The following DNAI1 variants were observed in gnomAD, a reference collection of about 807,000 sequenced individuals.
DNAI1 encodes dynein, axonemal, intermediate polypeptide 1.
DNAI1 carries 67 observed loss-of-function variants against 92.0 expected under a neutral mutation model. The ratio of observed to expected loss-of-function variants is 0.73; its 90% CI spans 0.60 to 0.89. DNAI1 has a LOEUF of 0.89. Among genes scored for constraint, DNAI1 ranks in the 40% least tolerant of loss-of-function variants. The pLI is 0.00. For missense variants in DNAI1, 839 were observed against 866.6 expected (o/e 0.97, Z 0.40); for synonymous variants, 323 against 319.6 (o/e 1.01, Z -0.11).
chr9:34,517,212 C>T (rs981738566), intron 18 of DNAI1, 73 bp from the exon 19 acceptor site: 8 of 1,534,328 alleles, frequency 5.2e-6, no homozygotes, highest in Non-Finnish European at 7.1e-6. Flanking sequence ...CCAGGAAGTC[C>T]AGGGACTCAT....
intron 1 of DNAI1, among the ~76,000 whole-genome samples, chr9:34,467,783 T>G (rs1282701844): frequency 6.6e-6 from 1 of 152,250 alleles, no homozygotes; most frequent in Non-Finnish European, 1.5e-5. Context: ...TATATGACAC[T>G]AATGTTTTTC....
At chr9:34,467,096 C>T (rs546432720) in intron 1 of DNAI1, among the ~76,000 whole-genome samples, 12 of 152,330 alleles carry the variant, frequency 7.9e-5, no homozygotes, top group African/African-American at 2.9e-4. Context: ...GAAGATATAA[C>T]TCGCTTTACT....
chr9:34,500,791 A>G lies in DNAI1; in HGVS notation c.971A>G (p.Lys324Arg). The G allele has an allele frequency of 6.2e-7, 1 of 1,614,182 alleles. No homozygotes were observed. Among genetic ancestry groups the G allele is most frequent in the Non-Finnish European group, 8.5e-7 (1 of 1,180,034 alleles). Residue 324 changes from lysine (K) to arginine (R), a missense_variant, in exon 11 of 20, where the codon AAG (lysine) becomes AGG (arginine). Lys to Arg is a conservative substitution (Grantham distance 26, BLOSUM62 2). Transcript: ENST00000242317. ...DQVGTLLPLW[K>R]FQNDKAKRLS... is the part of the protein sequence containing the mutation. ...GTGGGTACCCTGCTGCCGCTCTGGAAGTTCCAAAATGACAAAGCCAAGCGC... is the reference window on the plus strand; with the variant it reads ...GTGGGTACCCTGCTGCCGCTCTGGAGGTTCCAAAATGACAAAGCCAAGCGC...
intron 8 of DNAI1, among the ~76,000 whole-genome samples, chr9:34,492,596 T>C (rs1047213948): frequency 3.4e-5 from 5 of 146,796 alleles, no homozygotes; most frequent in African/African-American, 1.3e-4. Flanking sequence ...CTTGGCTCAC[T>C]GCAACTTCTG....
chr9:34,513,318 G>A (rs887815743), intron 16 of DNAI1, 127 bp downstream of exon 16: 135 of 765,096 alleles, frequency 1.8e-4, no homozygotes, highest in Admixed American at 1.9e-5. Context: ...GCCTCTTGAG[G>A]GAAGAGAATG....
At position 34,494,561 on chromosome 9, in the gene DNAI1, G is replaced by T. The variant is rs190560613; in HGVS notation, c.816+1233G>T. 1.2e-4 allele frequency among the ~76,000 whole-genome samples: 18 copies of T among 152,284 alleles called. No individual in the cohort carries two copies. In the East Asian group the frequency reaches 3.5e-3, roughly 29 times the overall value. On this transcript the variant is annotated intron_variant, in intron 9 of 19. Transcript: ENST00000242317. ...ATCAGGGGTTATAAGCTCTGTACTG[G>T]GACCCATGGTTGCAGAAACCTCAAC...
At chr9:34,471,904 A>G (rs1824143276) in intron 1 of DNAI1, among the ~76,000 whole-genome samples, 1 of 152,242 alleles carries the variant, frequency 6.6e-6, no homozygotes, top group African/African-American at 2.4e-5. Context: ...TGTTATAATG[A>G]TCAAATAAGA....
At chr9:34,490,187 T>G (rs902223650) in intron 6 of DNAI1, 63 bp downstream of exon 6, 1 of 1,613,250 alleles carries the variant, frequency 6.2e-7, no homozygotes. Context: ...GGAGGCTTCA[T>G]GGGTAACTTG....
intron 1 of DNAI1, among the ~76,000 whole-genome samples, chr9:34,469,053 A>G (rs913646451): frequency 6.6e-6 from 1 of 152,174 alleles, no homozygotes; most frequent in Non-Finnish European, 1.5e-5. Flanking sequence ...ATATAGGACT[A>G]TCAGAAACTC....
chr9:34,478,348 A>G (rs1824278160), intron 1 of DNAI1, among the ~76,000 whole-genome samples: 1 of 152,206 alleles, frequency 6.6e-6, no homozygotes, highest in Non-Finnish European at 1.5e-5. Flanking sequence ...GGAGAGGTCA[A>G]GGATATTGAG....
intron 1 of DNAI1, among the ~76,000 whole-genome samples, chr9:34,475,123 A>G (rs150055296): frequency 1.3e-5 from 2 of 152,332 alleles, no homozygotes; most frequent in East Asian, 3.9e-4. Flanking sequence ...GAGATTTAAA[A>G]TGTATTCAGT....
chr9:34,498,730 C>G (rs577022122), intron 10 of DNAI1, among the ~76,000 whole-genome samples: 1 of 152,318 alleles, frequency 6.6e-6, no homozygotes, highest in South Asian at 2.1e-4. Flanking sequence ...GCTGGCTGGT[C>G]TCCTTTGCTG....
chr9:34,487,987 G>C (rs1449178815), intron 4 of DNAI1: 2 of 307,380 alleles, frequency 6.5e-6, no homozygotes, highest in East Asian at 2.2e-4. Context: ...TGAAGAGGAA[G>C]ATCCCAGTCA....
rs201257295 is a variant in DNAI1, at chr9:34,475,325, G to A, written c.49-8123G>A. Among the ~76,000 whole-genome samples, 20 of 152,350 alleles carry A rather than the reference G, an allele frequency of 1.3e-4. 1 individual carries two copies. In the East Asian group the frequency reaches 3.7e-3, roughly 28 times the overall value. ...GTAAACGAAGTCTCCTGGGCCCCAG[G>A]AAGGAGGATGCAGCATCTGTGGGTT... On this transcript the variant is annotated intron_variant, in intron 1 of 19. Transcript: ENST00000242317.
rs187749720 is a variant in DNAI1, at chr9:34,518,555, G to A, written c.2001+1088G>A. Among the ~76,000 whole-genome samples, 223 of 152,362 alleles carry A rather than the reference G, an allele frequency of 1.5e-3. 1 individual carries two copies. The highest frequency in any genetic ancestry group is 3.6e-3 in the Admixed American group (55 of 15,306). Reference sequence around the variant, plus strand: ...CTTGAGGGGAGGGAGGGAGTCGGGCGTGGTCTGAATCTCTTTGCTGAGCCC... The same window carrying A: ...CTTGAGGGGAGGGAGGGAGTCGGGCATGGTCTGAATCTCTTTGCTGAGCCC... On this transcript the variant is annotated intron_variant, in intron 19 of 19. Transcript: ENST00000242317.
At chr9:34,492,761 T>A (rs934499129) in intron 8 of DNAI1, among the ~76,000 whole-genome samples, 14 of 151,802 alleles carry the variant, frequency 9.2e-5, no homozygotes, top group Non-Finnish European at 1.6e-4. Context: ...GCTCAAACAA[T>A]CCACCTGCCT....
chr9:34,484,175 G>A (rs2381161), intron 2 of DNAI1, among the ~76,000 whole-genome samples: 29,606 of 152,074 alleles, frequency 0.19, 3,301 homozygotes, highest in African/African-American at 0.3. Context: ...AGATCGTGCC[G>A]CTGCACTCCA....
chr9:34,506,730 C>G lies in DNAI1; in HGVS notation c.1167C>G (p.Leu389=), dbSNP rs756277063. ...GCAGCAACAGCGGCGTCATGTGTCTCGACATCCACGTGGACCACCCCTACC... is the reference window on the plus strand; with the variant it reads ...GCAGCAACAGCGGCGTCATGTGTCTGGACATCCACGTGGACCACCCCTACC... ...MFSSNSGVMC[L]DIHVDHPYLV... Residue 389 remains leucine (L), a synonymous_variant, in exon 13 of 20, where the codon CTC becomes CTG. Coordinates refer to ENST00000242317, the MANE Select transcript of DNAI1 (RefSeq NM_012144.4). 1 of 1,614,172 alleles carries G rather than the reference C, an allele frequency of 6.2e-7. No individual in the cohort carries two copies. Among genetic ancestry groups the G allele is most frequent in the South Asian group, 1.1e-5 (1 of 91,082 alleles).
At chr9:34,498,136 C>T (rs552986870) in intron 10 of DNAI1, among the ~76,000 whole-genome samples, 8 of 152,126 alleles carry the variant, frequency 5.3e-5, no homozygotes, top group Non-Finnish European at 1.0e-4. Flanking sequence ...GGCCTTACCA[C>T]ACCTGACCTA....
Sources: gnomAD v4.1 joint callset for allele counts (sites outside exome capture counted in the v4.1 genomes callset) on GRCh38, gnomAD v4.1.1 for gene constraint, MANE v1.5 for transcripts, NCBI Gene and HGNC (gene_info 2026-07-23, HGNC 2026-07-21) for gene names.